The following TRERF1 variants were observed in gnomAD, a reference collection of about 807,000 sequenced individuals.
TRERF1 encodes the protein transcriptional regulating factor 1.
A neutral mutation model predicts 122.9 loss-of-function variants in TRERF1; 27 were observed. That is an observed-to-expected ratio of 0.22 (90% CI 0.16 to 0.30). The LOEUF (loss-of-function observed/expected upper bound fraction) is 0.30, where lower values mean the gene tolerates loss of function less well. TRERF1 is among the 10% of genes least tolerant of loss of function. The pLI is 1.00. For missense variants in TRERF1, 1,248 were observed against 1,560.3 expected, an observed-to-expected ratio of 0.80 and a Z score of 3.37; for synonymous variants, 636 against 641.7, an observed-to-expected ratio of 0.99 and a Z score of 0.13.
chr6:42,365,200 T>C (rs1772503905), intron 2 of TRERF1, among the ~76,000 whole-genome samples: 1 of 152,140 alleles, frequency 6.6e-6, no homozygotes, highest in Non-Finnish European at 1.5e-5. Context: ...CTGACGTTTC[T>C]GCCCTAGGTG....
chr6:42,247,938 TTCA>T (rs879443805), intron 13 of TRERF1, among the ~76,000 whole-genome samples: 6 of 152,150 alleles, frequency 3.9e-5, no homozygotes, highest in Non-Finnish European at 7.3e-5. Flanking sequence ...CTCACTATAC[TTCA>T]TTAGTGGGGT....
intron 3 of TRERF1, among the ~76,000 whole-genome samples, chr6:42,354,604 T>C (rs1250298194): frequency 1.3e-5 from 2 of 152,208 alleles, no homozygotes; most frequent in Non-Finnish European, 2.9e-5. Flanking sequence ...GAATTATTTA[T>C]TGAATAATTT....
rs764259709 is a variant in TRERF1 at position 42,254,812 on chromosome 6, G to A, written c.2656+39C>T. On this transcript the variant is annotated intron_variant, in intron 13 of 17. Coordinates refer to ENST00000372922, the Ensembl canonical transcript of TRERF1. ...CAACCGAACATGCAAGCAGCCCGTC[G>A]TCAGGAGGCAACAGGACACAGGGCT... 2.3e-5 allele frequency: 37 copies of A among 1,590,758 alleles called. No homozygotes were observed. In the Middle Eastern group the frequency reaches 5.0e-4, roughly 21 times the overall value.
chr6:42,319,191 C>T (rs1762985199), intron 3 of TRERF1, among the ~76,000 whole-genome samples: 1 of 152,206 alleles, frequency 6.6e-6, no homozygotes, highest in Non-Finnish European at 1.5e-5. Flanking sequence ...CATTTTCACA[C>T]CACAGATATA....
Position 42,372,895 on chromosome 6 carries a change from T to G in TRERF1, c.-453-9816A>C, listed in dbSNP as rs73733161. 5.9e-3 allele frequency among the ~76,000 whole-genome samples: 902 copies of G among 152,026 alleles called. 12 individuals carry two copies. The highest frequency in any genetic ancestry group is 0.021 in the African/African-American group (869 of 41,464). ...ATGAGACCCTGAGTCAGGCAAAGGG[T>G]AAGAGTGTGTGTTCGGGAGTCACGT... On this transcript the variant is annotated intron_variant, in intron 2 of 17. Coordinates refer to ENST00000372922, the Ensembl canonical transcript of TRERF1.
At chr6:42,250,474 C>CGTCT (rs1343814473) in intron 13 of TRERF1, among the ~76,000 whole-genome samples, 2 of 152,156 alleles carry the variant, frequency 1.3e-5, no homozygotes, top group African/African-American at 4.8e-5. Context: ...CGTTCTTAGA[C>CGTCT]AAGGTTCTCT....
At chr6:42,346,100 A>T (rs895830607) in intron 3 of TRERF1, among the ~76,000 whole-genome samples, 1 of 152,252 alleles carries the variant, frequency 6.6e-6, no homozygotes, top group African/African-American at 2.4e-5. Context: ...TCTAAGAAAA[A>T]TGAGGTAAGT....
chr6:42,362,272 C>T (rs961595091), intron 3 of TRERF1, among the ~76,000 whole-genome samples: 1 of 152,154 alleles, frequency 6.6e-6, no homozygotes, highest in Non-Finnish European at 1.5e-5. Flanking sequence ...AATTCTGAGC[C>T]TCATACAGGA....
intron 15 of TRERF1, among the ~76,000 whole-genome samples, chr6:42,238,069 G>C (rs1188457879): frequency 6.6e-6 from 1 of 152,186 alleles, no homozygotes; most frequent in Non-Finnish European, 1.5e-5. Context: ...CATACAGGTT[G>C]ATTTCACTTA....
intron 3 of TRERF1, among the ~76,000 whole-genome samples, chr6:42,342,065 T>C (rs1015806451): frequency 1.3e-5 from 2 of 152,248 alleles, no homozygotes; most frequent in African/African-American, 4.8e-5. Flanking sequence ...TTCCAGGAAC[T>C]GCATCCAACT....
At chr6:42,308,490 G>A (rs2150327828) in intron 3 of TRERF1, among the ~76,000 whole-genome samples, 1 of 152,108 alleles carries the variant, frequency 6.6e-6, no homozygotes, top group African/African-American at 2.4e-5. Flanking sequence ...GTGGGTACAG[G>A]GTTTCCTTCT....
intron 2 of TRERF1, among the ~76,000 whole-genome samples, chr6:42,435,046 G>A (rs1001156587): frequency 4.6e-5 from 7 of 151,870 alleles, no homozygotes; most frequent in South Asian, 2.1e-4. Context: ...CAGGAGAATC[G>A]CTTGAACCCA....
rs1351392835 is a variant in TRERF1, at chr6:42,299,141, T to C, written c.-259+1497A>G. ...CTCTATCTATCTATCTATCTACATA[T>C]ATATATATATCTAGCTAGCTGGATA... On this transcript the variant is annotated intron_variant, in intron 4 of 17. Coordinates refer to ENST00000372922, the Ensembl canonical transcript of TRERF1. 6.1e-5 allele frequency among the ~76,000 whole-genome samples: 9 copies of C among 148,648 alleles called. No homozygotes were observed. The East Asian group carries it at 1.4e-3, about 23-fold the overall frequency.
chr6:42,272,026 T>G (rs759352688), intron 4 of TRERF1, among the ~76,000 whole-genome samples: 8 of 152,242 alleles, frequency 5.3e-5, no homozygotes, highest in African/African-American at 1.2e-4. Flanking sequence ...GGTGTTTAGA[T>G]TCCACTGGAT....
chr6:42,327,346 G>A (rs767022177), intron 3 of TRERF1, among the ~76,000 whole-genome samples: 8 of 152,146 alleles, frequency 5.3e-5, no homozygotes, highest in Non-Finnish European at 1.2e-4. Flanking sequence ...TTACAGATGG[G>A]TAAAATAAAG....
At chr6:42,412,450 TAGG>T (rs1184168609) in intron 2 of TRERF1, among the ~76,000 whole-genome samples, 3 of 152,148 alleles carry the variant, frequency 2.0e-5, no homozygotes, top group African/African-American at 7.2e-5. Context: ...AGCCAGGCTT[TAGG>T]AGGTTTGCAG....
intron 16 of TRERF1, among the ~76,000 whole-genome samples, chr6:42,235,936 C>T (rs915436658): frequency 2.6e-5 from 4 of 152,140 alleles, no homozygotes; most frequent in African/African-American, 9.7e-5. Flanking sequence ...TTGGAGGCCA[C>T]GCTCACTGCA....
intron 2 of TRERF1, among the ~76,000 whole-genome samples, chr6:42,375,584 A>G (rs530651677): frequency 5.7e-4 from 87 of 152,328 alleles, no homozygotes; most frequent in Admixed American, 9.8e-4. Context: ...CCAGGCACTA[A>G]AGTTCCAAAG....
intron 3 of TRERF1, among the ~76,000 whole-genome samples, chr6:42,354,427 G>A (rs564546158): frequency 6.7e-6 from 1 of 149,348 alleles, no homozygotes; most frequent in African/African-American, 2.5e-5. Flanking sequence ...CCTGTAGTTT[G>A]ATTGACTATT....
Sources: allele counts gnomAD v4.1 joint callset (sites outside exome capture counted in the v4.1 genomes callset), GRCh38; gene constraint gnomAD v4.1.1; transcripts MANE v1.5; gene names NCBI Gene and HGNC (gene_info 2026-07-23, HGNC 2026-07-21).